Variants in ATOSB observed in about 807,000 individuals in gnomAD.
The protein encoded by ATOSB is atos homolog protein B.
chr9:35,112,050 C>T, the ATOSB span, among the ~76,000 whole-genome samples: 2 of 152,192 alleles, frequency 1.3e-5, no homozygotes, highest in African/African-American at 2.4e-5. Context: ...CTTTCCCCAC[C>T]TTCCAAACCA....
the ATOSB span, among the ~76,000 whole-genome samples, chr9:35,114,329 G>A: frequency 6.6e-6 from 1 of 152,182 alleles, no homozygotes; most frequent in African/African-American, 2.4e-5. Flanking sequence ...GCTTCAGCCT[G>A]CCCTTTTTTA....
the ATOSB span, chr9:35,107,561 G>C: frequency 6.3e-7 from 1 of 1,593,688 alleles, no homozygotes; most frequent in South Asian, 1.1e-5. Flanking sequence ...GCTTGGTGGG[G>C]CAGGGGCCTG....
chr9:35,107,792 G>T, the ATOSB span: 1 of 1,573,326 alleles, frequency 6.4e-7, no homozygotes, highest in South Asian at 1.2e-5. Flanking sequence ...GATCTGGGGA[G>T]GCCCAGTCTC....
the ATOSB span, chr9:35,105,609 C>A: frequency 1.3e-6 from 2 of 1,488,272 alleles, no homozygotes; most frequent in East Asian, 2.3e-5. This position sits in a 1 kb window ranked among gnomAD's most constrained non-coding sequence, Gnocchi z 5.5. Flanking sequence ...CGGACAGTAT[C>A]GAAGCAAGGA....
At chr9:35,112,405 C>A in the ATOSB span, 1 of 152,160 alleles carries the variant, frequency 6.6e-6, no homozygotes, top group African/African-American at 2.4e-5. Context: ...GGGAAATGAG[C>A]CCAACTCTTG....
the ATOSB span, chr9:35,108,536 C>T: frequency 8.1e-7 from 1 of 1,231,926 alleles, no homozygotes; most frequent in Non-Finnish European, 1.0e-6. Flanking sequence ...GAGAGGGTGA[C>T]AGGTTTAGCT....
the ATOSB span, chr9:35,106,354 T>C: frequency 4.3e-6 from 7 of 1,614,188 alleles, no homozygotes; most frequent in Non-Finnish European, 5.9e-6. This position sits in a 1 kb window ranked among gnomAD's most constrained non-coding sequence, Gnocchi z 4.6. Flanking sequence ...CTCCAATTTC[T>C]GCTGTGAAGC....
chr9:35,106,165 A>G, the ATOSB span: 2 of 1,572,082 alleles, frequency 1.3e-6, no homozygotes, highest in East Asian at 4.5e-5. This position sits in a 1 kb window ranked among gnomAD's most constrained non-coding sequence, Gnocchi z 4.6. Context: ...GTGAGGAATA[A>G]GTAAGAAATA....
At chr9:35,114,760 T>A in the ATOSB span, among the ~76,000 whole-genome samples, 7 of 152,096 alleles carry the variant, frequency 4.6e-5, no homozygotes, top group South Asian at 1.5e-3. Flanking sequence ...ACTTCCCCCC[T>A]CCCACAGAAG....
the ATOSB span, chr9:35,107,253 G>C: frequency 1.8e-6 from 2 of 1,141,772 alleles, no homozygotes; most frequent in African/African-American, 3.2e-5. Context: ...AGCCTGGGAG[G>C]AGGAGGTTGC....
the ATOSB span, chr9:35,106,781 A>G: frequency 1.3e-6 from 2 of 1,541,416 alleles, no homozygotes; most frequent in Non-Finnish European, 1.8e-6. This position sits in a 1 kb window ranked among gnomAD's most constrained non-coding sequence, Gnocchi z 4.6. Flanking sequence ...AAGAGTACAG[A>G]CTTCTGCCCC....
the ATOSB span, among the ~76,000 whole-genome samples, chr9:35,114,263 T>C: frequency 6.6e-6 from 1 of 152,132 alleles, no homozygotes; most frequent in Non-Finnish European, 1.5e-5. Flanking sequence ...GCCCGCCCTC[T>C]CTGAGAGACT....
chr9:35,114,141 G>A, the ATOSB span, among the ~76,000 whole-genome samples: 1 of 152,220 alleles, frequency 6.6e-6, no homozygotes, highest in Admixed American at 6.5e-5. Flanking sequence ...TACCAAAGCA[G>A]AAAGGCTATA....
the ATOSB span, chr9:35,108,408 A>G: frequency 7.1e-7 from 1 of 1,409,532 alleles, no homozygotes; most frequent in South Asian, 1.5e-5. Flanking sequence ...TCTTCCTTCC[A>G]GCTGAGTTTC....
chr9:35,105,380 G>A, the ATOSB span: 3 of 1,606,214 alleles, frequency 1.9e-6, no homozygotes, highest in South Asian at 2.2e-5. This position sits in a 1 kb window ranked among gnomAD's most constrained non-coding sequence, Gnocchi z 5.5. Flanking sequence ...GGAACCTGGA[G>A]GAGGACAATG....
the ATOSB span, chr9:35,108,139 CG>C: frequency 6.3e-7 from 1 of 1,576,064 alleles, no homozygotes; most frequent in Non-Finnish European, 8.6e-7. Flanking sequence ...TGGTAGACCC[CG>C]GGGGATGTCG....
chr9:35,105,339 T>C, the ATOSB span: 15 of 1,613,932 alleles, frequency 9.3e-6, no homozygotes, highest in Non-Finnish European at 1.3e-5. This position sits in a 1 kb window ranked among gnomAD's most constrained non-coding sequence, Gnocchi z 5.5. Flanking sequence ...GATATCTCCA[T>C]GCAGGCTTAA....
the ATOSB span, among the ~76,000 whole-genome samples, chr9:35,114,492 G>A: frequency 6.6e-6 from 1 of 152,042 alleles, no homozygotes; most frequent in East Asian, 1.9e-4. Flanking sequence ...TGGAACTCAA[G>A]CCTTTCCCAC....
chr9:35,104,593 A>G, the ATOSB span: 10 of 413,534 alleles, frequency 2.4e-5, no homozygotes, highest in Non-Finnish European at 4.6e-5. Context: ...GCACACACAC[A>G]TACGCATAAC....
Sources: gnomAD v4.1 joint callset for allele counts (sites outside exome capture counted in the v4.1 genomes callset) on GRCh38, gnomAD v4.1.1 for gene constraint, Gnocchi (gnomAD v3.1) non-coding constraint, MANE v1.5 for transcripts, NCBI Gene and HGNC (gene_info 2026-07-23, HGNC 2026-07-21) for gene names.